Variants in PCDHGA2 observed in about 807,000 individuals in gnomAD.
PCDHGA2 encodes protocadherin gamma-A2.
A neutral mutation model predicts 59.2 loss-of-function variants in PCDHGA2; 40 were observed. The observed-to-expected ratio is 0.68, with a 90% CI of 0.52 to 0.88. The LOEUF is 0.88. Among genes scored for constraint, PCDHGA2 ranks in the 40% least tolerant of loss-of-function variants. The pLI, the probability that PCDHGA2 is intolerant of heterozygous loss-of-function variation, is 0.00. For missense variants in PCDHGA2, 1,226 were observed against 1,204.0 expected (o/e 1.02, Z -0.27); for synonymous variants, 560 against 526.0 (o/e 1.06, Z -0.89).
Position 141,373,903 on chromosome 5 carries a change from CCAA to C in PCDHGA2, c.2424+32515_2424+32517del, listed in dbSNP as rs1423150628. 3 of 586,252 alleles carry C rather than the reference CCAA, an allele frequency of 5.1e-6. No individual in the cohort carries two copies. In the African/African-American group the frequency reaches 5.7e-5, roughly 11 times the overall value. 36.3% of individuals were successfully genotyped at this position (586,252 alleles called of 1,614,324 possible). The stretch of plus-strand genomic sequence containing the variant: ...TCAACGGAAACTCAAGTTACATCCT[CCAA>C]CAACAAAGCAAATTAGACGGGAAAG... On this transcript the variant is annotated intron_variant, in intron 1 of 3. Coordinates refer to ENST00000394576, the MANE Select transcript of PCDHGA2 (RefSeq NM_018915.4).
At chr5:141,454,837 G>A (rs1269424734) in intron 1 of PCDHGA2, among the ~76,000 whole-genome samples, 4 of 90,354 alleles carry the variant, frequency 4.4e-5, no homozygotes, top group East Asian at 6.5e-4. Flanking sequence ...AGACAGAGTC[G>A]CGCTCTGTCA....
At chr5:141,409,858 G>A in intron 1 of PCDHGA2, 2 of 1,612,340 alleles carry the variant, frequency 1.2e-6, no homozygotes, top group Non-Finnish European at 1.7e-6. Context: ...GCGTGTTGGT[G>A]GGAGACCGCA....
intron 2 of PCDHGA2, among the ~76,000 whole-genome samples, chr5:141,504,786 C>A (rs568185327): frequency 6.6e-6 from 1 of 152,014 alleles, no homozygotes; most frequent in South Asian, 2.1e-4. Context: ...TCTCTTGGGG[C>A]CTCCTACATC....
intron 1 of PCDHGA2, among the ~76,000 whole-genome samples, chr5:141,474,082 CA>C (rs1449032579): frequency 1.3e-5 from 2 of 151,946 alleles, no homozygotes; most frequent in Non-Finnish European, 2.9e-5. Flanking sequence ...AAACAAAAAC[CA>C]AAAAACAAAC....
At chr5:141,451,925 G>A (rs1391178313) in intron 1 of PCDHGA2, among the ~76,000 whole-genome samples, 2 of 152,012 alleles carry the variant, frequency 1.3e-5, no homozygotes, top group East Asian at 3.8e-4. Context: ...AGGAAGGGAG[G>A]TAGGGAGGCA....
chr5:141,414,992 C>T, intron 1 of PCDHGA2: 2 of 1,613,770 alleles, frequency 1.2e-6, no homozygotes, highest in Non-Finnish European at 1.7e-6. Flanking sequence ...GGCCAGAACG[C>T]CTGGCTGTCC....
At chr5:141,423,529 C>T in intron 1 of PCDHGA2, 1 of 1,613,754 alleles carries the variant, frequency 6.2e-7, no homozygotes, top group South Asian at 1.1e-5. Flanking sequence ...GCAGAAGAGT[C>T]ACCTGATTTT....
rs540850539 is a variant in PCDHGA2 at position 141,345,785 on chromosome 5, C to T, written c.2424+4390C>T. 85 of 1,614,034 alleles carry T rather than the reference C, an allele frequency of 5.3e-5. No individual in the cohort carries two copies. In the African/African-American group the frequency reaches 8.9e-4, roughly 17 times the overall value. On this transcript the variant is annotated intron_variant, in intron 1 of 3. Coordinates refer to ENST00000394576, the MANE Select transcript of PCDHGA2 (RefSeq NM_018915.4). The stretch of plus-strand genomic sequence containing the variant: ...AGCTGGCGCCTCGCTCCGCAGAGCC[C>T]GGCTACCTGGTGACCAAGGTGGTGG...
intron 1 of PCDHGA2, chr5:141,408,923 G>C: frequency 6.2e-7 from 1 of 1,613,488 alleles, no homozygotes; most frequent in Non-Finnish European, 8.5e-7. Flanking sequence ...TAACCCCCCG[G>C]TTTTCAGCAG....
At chr5:141,362,673 A>T (rs1474121770) in intron 1 of PCDHGA2, 1 of 1,246,170 alleles carries the variant, frequency 8.0e-7, no homozygotes, top group African/African-American at 1.5e-5. Context: ...GTTGTGCCTT[A>T]ATTGTCTTAA....
chr5:141,498,625 T>C (rs1327552423), intron 2 of PCDHGA2, among the ~76,000 whole-genome samples: 1 of 152,176 alleles, frequency 6.6e-6, no homozygotes, highest in Non-Finnish European at 1.5e-5. Context: ...TGGGTCACAC[T>C]GCCTAGACAG....
chr5:141,379,410 A>T (rs1314256524), intron 1 of PCDHGA2: 1 of 152,226 alleles, frequency 6.6e-6, no homozygotes, highest in African/African-American at 2.4e-5. Context: ...CTTGGATATT[A>T]GTCTCATGAG....
At chr5:141,419,904 C>G (rs2096446397) in intron 1 of PCDHGA2, 2 of 1,614,108 alleles carry the variant, frequency 1.2e-6, no homozygotes, top group Non-Finnish European at 1.7e-6. Flanking sequence ...CCCACACCCT[C>G]TGACTCCCAG....
At chr5:141,383,639 A>G in intron 1 of PCDHGA2, 3 of 1,613,964 alleles carry the variant, frequency 1.9e-6, no homozygotes, top group Non-Finnish European at 2.5e-6. Flanking sequence ...CTGCCTCAGT[A>G]CCAAGTAACT....
At chr5:141,449,888 A>G (rs544369390) in intron 1 of PCDHGA2, among the ~76,000 whole-genome samples, 1 of 151,990 alleles carries the variant, frequency 6.6e-6, no homozygotes, top group Non-Finnish European at 1.5e-5. Flanking sequence ...ATGCAATATA[A>G]TTATTTAGCC....
chr5:141,370,964 G>A (rs372975056), intron 1 of PCDHGA2: 71 of 1,613,848 alleles, frequency 4.4e-5, no homozygotes, highest in Non-Finnish European at 5.6e-5. Flanking sequence ...ATGGCAGTAG[G>A]TACCCAGAGC....
Position 141,340,787 on chromosome 5 carries a change from T to C in PCDHGA2, c.1816T>C (p.Tyr606His). 6.2e-7 allele frequency: 1 copy of C among 1,613,128 alleles called. No homozygotes were observed. Among genetic ancestry groups the C allele is most frequent in the Admixed American group, 1.7e-5 (1 of 59,936 alleles). The part of the protein sequence containing the change: ...RDSGQNAWLS[Y>H]HLLKASEPGL... ...CTCGGGCCAGAACGCCTGGCTGTCT[T>C]ACCACCTGCTCAAGGCCAGCGAGCC... Residue 606 changes from tyrosine (Y) to histidine (H), a missense_variant, in exon 1 of 4, where the codon TAC becomes CAC. Tyr to His is a moderately conservative substitution (Grantham distance 83, BLOSUM62 2). Transcript: ENST00000394576.
At chr5:141,405,436 T>C (rs2094666141) in intron 1 of PCDHGA2, 1 of 1,458,154 alleles carries the variant, frequency 6.9e-7, no homozygotes. Flanking sequence ...TGTTTTGTTT[T>C]TGAGACAGAG....
At chr5:141,400,233 C>A (rs373858401) in intron 1 of PCDHGA2, 2 of 1,613,988 alleles carry the variant, frequency 1.2e-6, no homozygotes, top group African/African-American at 1.3e-5. Flanking sequence ...TCCTCCTGGC[C>A]GTGATTCTGG....
Sources: gnomAD v4.1 joint callset for allele counts (sites outside exome capture counted in the v4.1 genomes callset) on GRCh38, gnomAD v4.1.1 for gene constraint, MANE v1.5 for transcripts, NCBI Gene and HGNC (gene_info 2026-07-23, HGNC 2026-07-21) for gene names.